Variants in BBS4 observed in about 807,000 individuals in gnomAD.
BBS4 encodes Bardet-Biedl syndrome 4.
A neutral mutation model predicts 71.4 loss-of-function variants in BBS4; 58 were observed. The observed-to-expected ratio is 0.81, with a 90% confidence interval of 0.66 to 1.01. The LOEUF is 1.01. Ranked by LOEUF, BBS4 falls within the 50% of genes least tolerant of loss-of-function variation. The pLI is 0.00. For missense variants in BBS4, 660 were observed against 607.9 expected, an observed-to-expected ratio of 1.09 and a Z score of -0.90; for synonymous variants, 228 against 216.8, an observed-to-expected ratio of 1.05 and a Z score of -0.46.
At chr15:72,713,349 A>ACACACACG (rs1555499570) in intron 4 of BBS4, among the ~76,000 whole-genome samples, 2 of 112,618 alleles carry the variant, frequency 1.8e-5, no homozygotes, top group East Asian at 9.8e-4. Context: ...ACACACACAC[A>ACACACACG]CGCACACGCA....
intron 6 of BBS4, among the ~76,000 whole-genome samples, chr15:72,719,254 A>G (rs1036211042): frequency 7.3e-6 from 1 of 137,616 alleles, no homozygotes; most frequent in South Asian, 2.5e-4. Context: ...GCAGTTTTTT[A>G]CTTTCTAAAT....
chr15:72,717,988 A>C (rs1357552428), intron 6 of BBS4, among the ~76,000 whole-genome samples: 1 of 152,048 alleles, frequency 6.6e-6, no homozygotes, highest in Non-Finnish European at 1.5e-5. Context: ...AGCTGGGATT[A>C]CAGGCGCCTG....
chr15:72,713,905 T>C (rs1482643567), intron 4 of BBS4, among the ~76,000 whole-genome samples: 1 of 152,230 alleles, frequency 6.6e-6, no homozygotes, highest in African/African-American at 2.4e-5. Flanking sequence ...TTATGGAATC[T>C]GAATATAATT....
At chr15:72,736,657 C>T (rs1472515562) in intron 14 of BBS4, 105 bp from the exon 15 acceptor site, 4 of 1,060,446 alleles carry the variant, frequency 3.8e-6, no homozygotes, top group Non-Finnish European at 5.8e-6. Flanking sequence ...CTAGTACGAC[C>T]AGACACTATT....
At chr15:72,699,086 T>C (rs2065127071) in intron 2 of BBS4, among the ~76,000 whole-genome samples, 1 of 152,168 alleles carries the variant, frequency 6.6e-6, no homozygotes, top group African/African-American at 2.4e-5. Flanking sequence ...TGAGTCTATT[T>C]GTCTATTGTA....
intron 6 of BBS4, among the ~76,000 whole-genome samples, chr15:72,720,011 A>G (rs1445137534): frequency 2.6e-5 from 4 of 151,672 alleles, no homozygotes; most frequent in African/African-American, 9.7e-5. Context: ...GGCCTCCCAA[A>G]GTGCTGAGAC....
At chr15:72,714,253 T>C (rs1175962224) in intron 4 of BBS4, among the ~76,000 whole-genome samples, 1 of 120,818 alleles carries the variant, frequency 8.3e-6, no homozygotes, top group Non-Finnish European at 1.6e-5. Flanking sequence ...TGAGACAGAG[T>C]CTTGCTCTGT....
chr15:72,704,554 TTGA>T, intron 2 of BBS4: 1 of 822,134 alleles, frequency 1.2e-6, no homozygotes, highest in Non-Finnish European at 1.8e-6. Context: ...TCCTTCATCT[TTGA>T]TGATAAGTAG....
chr15:72,687,457 A>G (rs2064879283), intron 1 of BBS4, among the ~76,000 whole-genome samples: 1 of 151,556 alleles, frequency 6.6e-6, no homozygotes, highest in Non-Finnish European at 1.5e-5. Flanking sequence ...TACAAAAATT[A>G]GCGGGGCATC....
At chr15:72,708,567 A>AT (rs1245402940) in intron 2 of BBS4, among the ~76,000 whole-genome samples, 1 of 152,214 alleles carries the variant, frequency 6.6e-6, no homozygotes, top group Non-Finnish European at 1.5e-5. Context: ...CTTGAACAGA[A>AT]TAACAGCAAT....
rs58644289 is a variant in BBS4, at chr15:72,688,411, C to CTTTTTTTTTTTTTT, written c.24+2167_24+2180dup. 2.0e-4 allele frequency among the ~76,000 whole-genome samples: 17 copies of CTTTTTTTTTTTTTT among 83,052 alleles called. 1 individual carries two copies. The highest frequency in any genetic ancestry group is 5.2e-4 in the East Asian group (1 of 1,908). 54.5% of individuals were successfully genotyped at this position (83,052 alleles called of 152,430 possible). A position where few individuals can be genotyped will look rare whatever the true frequency, so the allele number is the denominator to read the frequency against. On this transcript the variant is annotated intron_variant, in intron 1 of 15. Transcript: ENST00000268057. Reference sequence around the variant, plus strand: ...GTCCTTTTAGGAAGTGGTATTTTATCTTTTTTTTTTTTTTTTTTTTGAGAC... The same window carrying CTTTTTTTTTTTTTT: ...GTCCTTTTAGGAAGTGGTATTTTATCTTTTTTTTTTTTTTTTTTTTTTTTTTTTTTTTTTGAGAC...
At chr15:72,686,621 A>G (rs2064848182) in intron 1 of BBS4, 16 of 1,259,300 alleles carry the variant, frequency 1.3e-5, no homozygotes, top group Admixed American at 2.2e-5. Flanking sequence ...TGGGAATTTA[A>G]CATGCCTGGA....
Position 72,731,386 on chromosome 15 carries a change from G to A in BBS4, c.793G>A (p.Ala265Thr), listed in dbSNP as rs780253341. ...ALTKYRVVACAVPESPPLWNN... is the reference protein window; with the variant it reads ...ALTKYRVVACTVPESPPLWNN... ...CACCAAATACAGAGTTGTGGCTTGT[G>A]CTGTTCCAGAAAGTCCTCCACTCTG... Residue 265 changes from alanine to threonine, a missense_variant, in exon 11 of 16, where the codon GCT becomes ACT. Physicochemically the swap from Ala to Thr is moderately conservative, Grantham distance 58. Coordinates refer to ENST00000268057, the MANE Select transcript of BBS4 (RefSeq NM_033028.5). 1.9e-6 allele frequency: 3 copies of A among 1,613,868 alleles called. No homozygotes were observed. The highest frequency in any genetic ancestry group is 2.5e-6 in the Non-Finnish European group (3 of 1,180,012).
chr15:72,722,484 G>T (rs2065595285), intron 6 of BBS4, among the ~76,000 whole-genome samples: 1 of 152,194 alleles, frequency 6.6e-6, no homozygotes, highest in Non-Finnish European at 1.5e-5. Flanking sequence ...AAAGGGTATG[G>T]GTGATGGGCA....
At chr15:72,724,916 T>A (rs2065640176) in intron 8 of BBS4, among the ~76,000 whole-genome samples, 4 of 152,100 alleles carry the variant, frequency 2.6e-5, no homozygotes, top group African/African-American at 9.7e-5. Flanking sequence ...TTCTTCCTTA[T>A]TAACTCACCA....
intron 6 of BBS4, among the ~76,000 whole-genome samples, chr15:72,717,933 C>G (rs966996818): frequency 6.6e-6 from 1 of 152,098 alleles, no homozygotes; most frequent in Admixed American, 6.5e-5. Flanking sequence ...ACTGCAACCT[C>G]TTTCTTCCAG....
Position 72,731,697 on chromosome 15 carries a change from A to G in BBS4, c.1007A>G (p.Lys336Arg). Residue 336 changes from lysine (K) to arginine (R), a missense_variant, in exon 12 of 16, where the codon AAG becomes AGG. Lys to Arg is a conservative substitution (Grantham distance 26, BLOSUM62 2). Coordinates refer to ENST00000268057, the MANE Select transcript of BBS4 (RefSeq NM_033028.5). Reference sequence around the variant, plus strand: ...AGTGCGGCCATCAACTTCCAGCCAAAGATGGGGGAGCTCTACATGCTCTTG... The same window carrying G: ...AGTGCGGCCATCAACTTCCAGCCAAGGATGGGGGAGCTCTACATGCTCTTG... ...FLSAAINFQP[K>R]MGELYMLLAV... 1.9e-6 allele frequency: 3 copies of G among 1,614,214 alleles called. No homozygotes were observed. The highest frequency in any genetic ancestry group is 1.7e-6 in the Non-Finnish European group (2 of 1,180,042).
intron 2 of BBS4, among the ~76,000 whole-genome samples, chr15:72,697,203 G>C (rs2065092583): frequency 1.3e-5 from 2 of 152,136 alleles, no homozygotes; most frequent in Non-Finnish European, 2.9e-5. Flanking sequence ...AAAGTACTGG[G>C]ATTACAGGCA....
Position 72,737,780 on chromosome 15 carries a change from A to G in BBS4, c.*193A>G. 1.6e-6 allele frequency: 1 copy of G among 620,260 alleles called. No homozygotes were observed. Among genetic ancestry groups the G allele is most frequent in the Non-Finnish European group, 3.0e-6 (1 of 334,214 alleles). 38.4% of individuals were successfully genotyped at this position (620,260 alleles called of 1,614,324 possible). The stretch of plus-strand genomic sequence containing the variant: ...TGGCATTTGAGGTCGGAAACCCTCT[A>G]CTGCCCCATAAGCCAGGAAAAGTGA... On this transcript the variant is annotated 3_prime_UTR_variant, in exon 16 of 16. Coordinates refer to ENST00000268057, the MANE Select transcript of BBS4 (RefSeq NM_033028.5).
Sources: gnomAD v4.1 joint callset for allele counts (sites outside exome capture counted in the v4.1 genomes callset) on GRCh38, gnomAD v4.1.1 for gene constraint, MANE v1.5 for transcripts, NCBI Gene and HGNC (gene_info 2026-07-23, HGNC 2026-07-21) for gene names.